MALRD1: variants seen among roughly 807,000 people sequenced by gnomAD.
MALRD1 encodes MAM and LDL receptor class A domain containing 1, also known as MAM and LDL-receptor class A domain-containing protein 1.
A neutral mutation model predicts 242.1 loss-of-function variants in MALRD1; 247 were observed. The ratio of observed to expected loss-of-function variants is 1.02; its 90% CI spans 0.92 to 1.13. MALRD1 has a LOEUF of 1.13. Among genes scored for constraint, MALRD1 ranks in the 50% most tolerant of loss-of-function variants. MALRD1 has a pLI of 0.00. For missense variants in MALRD1, 2,989 were observed against 2,533.1 expected (o/e 1.18, Z -3.86); for synonymous variants, 995 against 866.6 (o/e 1.15, Z -2.60).
chr10:19,171,464 A>T (rs1429082905), intron 13 of MALRD1, among the ~76,000 whole-genome samples: 1 of 135,420 alleles, frequency 7.4e-6, no homozygotes, highest in Non-Finnish European at 1.6e-5. Flanking sequence ...ATATACACAC[A>T]TGTATATACA....
intron 29 of MALRD1, among the ~76,000 whole-genome samples, chr10:19,464,650 C>G (rs1836129929): frequency 6.6e-6 from 1 of 152,098 alleles, no homozygotes; most frequent in African/African-American, 2.4e-5. Context: ...AATGTGATGC[C>G]TTCAGATTTG....
chr10:19,383,779 G>C (rs1052857118), intron 26 of MALRD1, among the ~76,000 whole-genome samples: 5 of 151,756 alleles, frequency 3.3e-5, no homozygotes, highest in African/African-American at 1.2e-4. Flanking sequence ...TTTTAAGTCT[G>C]TTTCTTATTC....
At chr10:19,529,551 G>GA (rs1201531879) in intron 31 of MALRD1, among the ~76,000 whole-genome samples, 1 of 145,900 alleles carries the variant, frequency 6.9e-6, no homozygotes, top group African/African-American at 2.6e-5. Flanking sequence ...ACAGGAGGGG[G>GA]GGGGAGAAAA....
At chr10:19,381,663 A>G (rs1845843139) in intron 26 of MALRD1, among the ~76,000 whole-genome samples, 1 of 145,370 alleles carries the variant, frequency 6.9e-6, no homozygotes, top group South Asian at 2.1e-4. Flanking sequence ...CTCTTTCTCT[A>G]CTAAAAATAC....
chr10:19,646,509 G>A (rs950532919), intron 36 of MALRD1, among the ~76,000 whole-genome samples: 8 of 152,126 alleles, frequency 5.3e-5, no homozygotes, highest in South Asian at 2.1e-4. Flanking sequence ...GGAGGCTGAG[G>A]CAGGAGAACT....
At position 19,116,832 on chromosome 10, in the gene MALRD1, T is replaced by C. The variant is rs941811362; in HGVS notation, c.695-6660T>C. Among the ~76,000 whole-genome samples, 8 of 152,256 alleles carry C rather than the reference T, an allele frequency of 5.3e-5. 1 individual carries two copies. Among genetic ancestry groups the C allele is most frequent in the Middle Eastern group, 6.8e-3 (2 of 294 alleles). ...AGTTGGGCACAGTGGCTCACACCTG[T>C]AGTCTCAGCACTTTGGGAGGCTGAG... is the stretch of plus-strand genomic sequence containing the variant. On this transcript the variant is annotated intron_variant, in intron 5 of 39. Transcript: ENST00000454679.
chr10:19,595,774 T>A (rs1838065519), intron 34 of MALRD1, among the ~76,000 whole-genome samples: 1 of 152,140 alleles, frequency 6.6e-6, no homozygotes. Flanking sequence ...GTGTGAGAAG[T>A]TCAGTTAGAA....
At chr10:19,492,812 A>G (rs1256351240) in intron 30 of MALRD1, among the ~76,000 whole-genome samples, 2 of 152,320 alleles carry the variant, frequency 1.3e-5, no homozygotes, top group South Asian at 4.1e-4. Context: ...GGGAAAATAC[A>G]TCAAATGTAG....
chr10:19,486,247 C>A (rs2131196473), intron 29 of MALRD1, among the ~76,000 whole-genome samples: 1 of 152,312 alleles, frequency 6.6e-6, no homozygotes, highest in Admixed American at 6.5e-5. Flanking sequence ...TTCTCCAATA[C>A]TTCACAGACC....
chr10:19,729,142 C>T (rs1427988324), intron 38 of MALRD1, among the ~76,000 whole-genome samples: 1 of 152,134 alleles, frequency 6.6e-6, no homozygotes, highest in African/African-American at 2.4e-5. Context: ...GACACTGAAT[C>T]CACAGGGACA....
intron 18 of MALRD1, among the ~76,000 whole-genome samples, chr10:19,227,356 G>T (rs1837843164): frequency 6.6e-6 from 1 of 151,982 alleles, no homozygotes; most frequent in Admixed American, 6.6e-5. Flanking sequence ...GGCCAAAGTT[G>T]CCGAAATAAT....
intron 1 of MALRD1, among the ~76,000 whole-genome samples, chr10:19,064,722 A>T (rs1454171665): frequency 6.8e-6 from 1 of 147,704 alleles, no homozygotes; most frequent in Non-Finnish European, 1.5e-5. Flanking sequence ...GCAAGCCAAG[A>T]TTGCACCACT....
intron 5 of MALRD1, among the ~76,000 whole-genome samples, chr10:19,105,124 C>T (rs537463040): frequency 7.2e-5 from 11 of 152,044 alleles, no homozygotes; most frequent in African/African-American, 1.9e-4. Context: ...TCCAATCTCT[C>T]GGTAATTTCA....
chr10:19,242,226 G>C (rs551426831), intron 18 of MALRD1, among the ~76,000 whole-genome samples: 6 of 152,100 alleles, frequency 3.9e-5, no homozygotes, highest in South Asian at 2.1e-4. Context: ...CAAGTGAAAG[G>C]GTTCCCCCTT....
intron 38 of MALRD1, among the ~76,000 whole-genome samples, chr10:19,718,012 A>C (rs1834474988): frequency 6.6e-6 from 1 of 151,090 alleles, no homozygotes; most frequent in South Asian, 2.1e-4. Flanking sequence ...AAATAAATAA[A>C]TAAATAAATA....
chr10:19,341,472 G>GTA (rs1334571507), intron 24 of MALRD1, among the ~76,000 whole-genome samples: 1 of 81,016 alleles, frequency 1.2e-5, no homozygotes, highest in Non-Finnish European at 2.8e-5. Flanking sequence ...ATGTATATAT[G>GTA]TATATATATG....
At chr10:19,588,675 C>T (rs1412190184) in intron 33 of MALRD1, among the ~76,000 whole-genome samples, 1 of 152,174 alleles carries the variant, frequency 6.6e-6, no homozygotes, top group Non-Finnish European at 1.5e-5. Context: ...CGGAGTCTTG[C>T]TCTGTCGCCC....
At chr10:19,497,811 AAAG>A (rs1379319083) in intron 30 of MALRD1, among the ~76,000 whole-genome samples, 1 of 152,352 alleles carries the variant, frequency 6.6e-6, no homozygotes, top group East Asian at 1.9e-4. Flanking sequence ...TGTACAAAAA[AAAG>A]AAAAATGAAA....
chr10:19,106,625 A>T (rs1386213533), intron 5 of MALRD1, among the ~76,000 whole-genome samples: 4 of 151,590 alleles, frequency 2.6e-5, no homozygotes, highest in African/African-American at 9.7e-5. Context: ...TTTAGTTTCT[A>T]TTTCATTTAG....
Sources: gnomAD v4.1 joint callset for allele counts (sites outside exome capture counted in the v4.1 genomes callset) on GRCh38, gnomAD v4.1.1 for gene constraint, MANE v1.5 for transcripts, NCBI Gene and HGNC (gene_info 2026-07-23, HGNC 2026-07-21) for gene names.